The following RNF6 variants were observed in gnomAD, a reference collection of about 807,000 sequenced individuals.
RNF6 encodes the protein E3 ubiquitin-protein ligase RNF6.
A neutral mutation model predicts 50.1 loss-of-function variants in RNF6; 21 were observed. The observed-to-expected ratio is 0.42, with a 90% CI of 0.30 to 0.60. RNF6 has a LOEUF of 0.60. Among genes scored for constraint, RNF6 ranks in the 20% least tolerant of loss-of-function variants. RNF6 has a pLI of 0.20. For synonymous variants in RNF6, 255 were observed against 291.8 expected, an observed-to-expected ratio of 0.87 and a Z score of 1.29; for missense variants, 698 against 838.2, an observed-to-expected ratio of 0.83 and a Z score of 2.07.
intron 5 of RNF6, among the ~76,000 whole-genome samples, chr13:26,183,965 G>GCTGC (rs1873364894): frequency 7.2e-6 from 1 of 139,308 alleles, no homozygotes; most frequent in African/African-American, 2.7e-5. Context: ...TACTGGTGGA[G>GCTGC]CTGCCCTCCA....
chr13:26,167,008 A>G (rs375595629), intron 5 of RNF6, among the ~76,000 whole-genome samples: 14 of 152,308 alleles, frequency 9.2e-5, no homozygotes, highest in South Asian at 4.1e-4. Context: ...TTTATAAATT[A>G]CCCAGTCTTG....
At chr13:26,165,445 G>A (rs1872406389) in intron 5 of RNF6, among the ~76,000 whole-genome samples, 1 of 152,206 alleles carries the variant, frequency 6.6e-6, no homozygotes, top group Non-Finnish European at 1.5e-5. Context: ...GCCTAGTGGA[G>A]CTGTGAGAAG....
At chr13:26,189,704 AC>A (rs1868382568) in intron 5 of RNF6, among the ~76,000 whole-genome samples, 1 of 143,782 alleles carries the variant, frequency 7.0e-6, no homozygotes, top group Non-Finnish European at 1.5e-5. Flanking sequence ...GCATTCATCC[AC>A]TCTCATTTTT....
chr13:26,172,692 C>T (rs898745807), intron 5 of RNF6, among the ~76,000 whole-genome samples: 3 of 151,974 alleles, frequency 2.0e-5, no homozygotes, highest in Admixed American at 6.6e-5. Flanking sequence ...TACAGGTGCC[C>T]GCCACCATGC....
At chr13:26,161,627 C>T (rs577277657) in intron 5 of RNF6, among the ~76,000 whole-genome samples, 45 of 152,190 alleles carry the variant, frequency 3.0e-4, no homozygotes, top group Admixed American at 1.4e-3. Context: ...TGTTAGTATA[C>T]GGCAAAACTA....
At chr13:26,170,691 A>G (rs1466615427) in intron 5 of RNF6, among the ~76,000 whole-genome samples, 1 of 152,224 alleles carries the variant, frequency 6.6e-6, no homozygotes, top group African/African-American at 2.4e-5. Context: ...ATCCTAGCTC[A>G]CACACTAAGT....
chr13:26,151,621 C>CTTTTTTTCTTT (rs1555315044), intron 5 of RNF6, among the ~76,000 whole-genome samples: 3 of 139,570 alleles, frequency 2.1e-5, no homozygotes, highest in Admixed American at 1.4e-4. Context: ...TTCTTTTTTT[C>CTTTTTTTCTTT]TTTTTTTTTT....
intron 5 of RNF6, among the ~76,000 whole-genome samples, chr13:26,168,315 G>A (rs965872542): frequency 6.6e-6 from 1 of 152,146 alleles, no homozygotes; most frequent in Non-Finnish European, 1.5e-5. Context: ...ATAAGTGAGA[G>A]CAGAGCCCAC....
intron 5 of RNF6, among the ~76,000 whole-genome samples, chr13:26,184,346 C>T (rs1373080394): frequency 6.6e-6 from 1 of 151,988 alleles, no homozygotes; most frequent in African/African-American, 2.4e-5. Context: ...AAATTATATT[C>T]TAATCAGTCT....
At position 26,191,675 on chromosome 13, in the gene RNF6, A is replaced by G. The variant is rs142603734; in HGVS notation, n.768+23799T>C. On this transcript the variant is annotated intron_variant and non_coding_transcript_variant, in intron 5 of 5. Coordinates refer to the RNF6 transcript ENST00000468480. ...GCTTGCTTCCCTGTCACTTTCCACC[A>G]TGACTGTGAGTTTCCTGAGGCCTCC... Among the ~76,000 whole-genome samples the G allele has an allele frequency of 6.9e-3, 1,058 of 152,312 alleles. 8 individuals carry two copies. The highest frequency in any genetic ancestry group is 0.026 in the South Asian group (126 of 4,828).
Position 26,215,170 on chromosome 13 carries a change from C to T in RNF6, c.712G>A (p.Gly238Arg). ...GGAATGCCAGCTGCTCCCCCAATTC[C>T]ATTTCTTAACCTTCCCAATGTTGAG... ...SFSTLGRLRN[G>R]IGGAAGIPRA... is the part of the protein sequence containing the mutation. The change falls in exon 5 of 5, where the codon GGA becomes AGA. Residue 238 changes from glycine (G) to arginine (R), a missense_variant. Gly to Arg is a moderately radical substitution (Grantham distance 125). Coordinates refer to ENST00000381588, the MANE Select transcript of RNF6 (RefSeq NM_005977.4). The T allele has an allele frequency of 6.2e-7, 1 of 1,614,196 alleles. No individual in the cohort carries two copies. The highest frequency in any genetic ancestry group is 1.3e-5 in the African/African-American group (1 of 75,044).
intron 5 of RNF6, chr13:26,153,984 T>C (rs1159331958): frequency 6.6e-6 from 1 of 152,342 alleles, no homozygotes; most frequent in African/African-American, 2.4e-5. Context: ...GAATTTAATT[T>C]GAAACTCTAA....
At chr13:26,186,703 A>G (rs1412330251) in intron 5 of RNF6, among the ~76,000 whole-genome samples, 1 of 151,914 alleles carries the variant, frequency 6.6e-6, no homozygotes, top group Non-Finnish European at 1.5e-5. Context: ...CGCTGTGCTG[A>G]CCGTCGATCC....
intron 5 of RNF6, among the ~76,000 whole-genome samples, chr13:26,183,878 A>G (rs1302458119): frequency 8.9e-6 from 1 of 112,116 alleles, no homozygotes; most frequent in African/African-American, 3.6e-5. Flanking sequence ...TATATATAAA[A>G]TATAGGTTTT....
chr13:26,208,361 G>C (rs914425244), downstream of RNF6, among the ~76,000 whole-genome samples: 1 of 152,190 alleles, frequency 6.6e-6, no homozygotes, highest in Admixed American at 6.5e-5. Context: ...TTTGGGCACT[G>C]AGTCTGTCAC....
In RNF6 at chr13:26,139,600, G is replaced by A. The variant is rs369027903; in HGVS notation, n.769-7149C>T. ...TCCACCAAAACCTGTTTAACACTTC[G>A]GTTGGAATTGCAATAAACCTCAAGA... is the stretch of plus-strand genomic sequence containing the variant. On this transcript the variant is annotated intron_variant and non_coding_transcript_variant, in intron 5 of 5. Transcript: ENST00000468480. Among the ~76,000 whole-genome samples the A allele has an allele frequency of 9.9e-5, 15 of 151,954 alleles. 1 individual carries two copies. Among genetic ancestry groups the A allele is most frequent in the Non-Finnish European group, 1.3e-4 (9 of 67,996 alleles).
chr13:26,213,860 C>G lies in RNF6; in HGVS notation c.2022G>C (p.Gln674His). The part of the protein sequence containing the change: ...SENCTCPICR[Q>H]PVLGSNIANN... ...TTGCTATGTTAGACCCTAAAACAGG[C>G]TGCCGACAGATCGGACAAGTGCAAT... The change falls in exon 5 of 5, where the codon CAG (glutamine) becomes CAC (histidine). Residue 674 changes from glutamine (Q) to histidine (H), a missense_variant. Physicochemically the swap from Gln to His is conservative, Grantham distance 24. Coordinates refer to ENST00000381588, the MANE Select transcript of RNF6 (RefSeq NM_005977.4). 1 of 1,613,382 alleles carries G rather than the reference C, an allele frequency of 6.2e-7. No individual in the cohort carries two copies. The highest frequency in any genetic ancestry group is 1.7e-4 in the Middle Eastern group (1 of 6,058).
In RNF6 at chr13:26,192,345, C is replaced by T. The variant is rs544331915; in HGVS notation, n.768+23129G>A. On this transcript the variant is annotated intron_variant and non_coding_transcript_variant, in intron 5 of 5. Transcript: ENST00000468480. Reference sequence around the variant, plus strand: ...TAGTTGTTTCTGAATATATTGAAGGCAAAGCCAATAGAATTTGCTCATGGA... The same window carrying T: ...TAGTTGTTTCTGAATATATTGAAGGTAAAGCCAATAGAATTTGCTCATGGA... 2.0e-5 allele frequency among the ~76,000 whole-genome samples: 3 copies of T among 152,226 alleles called. No individual in the cohort carries two copies. In the South Asian group the frequency reaches 6.2e-4, roughly 32 times the overall value.
chr13:26,191,604 C>G (rs758574356), intron 5 of RNF6, among the ~76,000 whole-genome samples: 1 of 152,112 alleles, frequency 6.6e-6, no homozygotes, highest in African/African-American at 2.4e-5. Context: ...AAGTGCTTGG[C>G]AGTTCTCTCC....
Sources: allele counts gnomAD v4.1 joint callset (sites outside exome capture counted in the v4.1 genomes callset), GRCh38; gene constraint gnomAD v4.1.1; transcripts MANE v1.5; gene names NCBI Gene and HGNC (gene_info 2026-07-23, HGNC 2026-07-21).